Variants in PCF11 observed in about 807,000 individuals in gnomAD.
PCF11 encodes the protein PCF11 cleavage and polyadenylation factor subunit.
In PCF11, 19 loss-of-function variants were observed where a neutral mutation model predicts 166.1. The observed-to-expected ratio is 0.11, with a 90% CI of 0.08 to 0.17. PCF11 has a LOEUF of 0.17. Ranked by LOEUF, PCF11 falls within the 10% of genes least tolerant of loss-of-function variation. The pLI is 1.00. For synonymous variants in PCF11, 663 were observed against 644.1 expected (o/e 1.03, Z -0.44); for missense variants, 1,565 against 1,855.5 (o/e 0.84, Z 2.88).
intron 15 of PCF11, 51 bp downstream of exon 15, chr11:83,183,124 T>C: frequency 9.2e-7 from 1 of 1,091,058 alleles, no homozygotes; most frequent in Non-Finnish European, 1.3e-6. Context: ...TAATAAATTT[T>C]ACTTTTCAGT....
exon 1 of PCF11, chr11:83,157,585 C>T (rs776291256): frequency 1.4e-5 from 22 of 1,613,906 alleles, no homozygotes; most frequent in Admixed American, 1.7e-5. Flanking sequence ...GAGAACCTGC[C>T]CTTCGCCAAG....
chr11:83,177,709 TGAA>T lies in PCF11; in HGVS notation c.3878_3880del. On this transcript the variant is annotated splice_acceptor_variant and splice_polypyrimidine_tract_variant and intron_variant, in intron 10 of 15. Transcript: ENST00000298281. LOFTEE classifies it high-confidence loss of function. ...AGAAATTTGTATGTCTCTTCTTAATTGAAGAAGTAAGTGAAGTAACTGCTCAGC... is the reference window on the plus strand; with the variant it reads ...AGAAATTTGTATGTCTCTTCTTAATTGAAGTAAGTGAAGTAACTGCTCAGC... 6.8e-7 allele frequency: 1 copy of T among 1,463,688 alleles called. No homozygotes were observed. Among genetic ancestry groups the T allele is most frequent in the African/African-American group, 1.4e-5 (1 of 71,234 alleles). 90.7% of individuals were successfully genotyped at this position (1,463,688 alleles called of 1,614,324 possible). A position where few individuals can be genotyped will look rare whatever the true frequency, so the allele number is the denominator to read the frequency against.
At chr11:83,177,627 T>G in intron 10 of PCF11, 87 bp from the exon 11 acceptor site, 1 of 566,484 alleles carries the variant, frequency 1.8e-6, no homozygotes, top group East Asian at 3.2e-5. Flanking sequence ...TGGATTTCTC[T>G]ATTTGCTTAT....
Position 83,160,366 on chromosome 11 carries a change from C to G in PCF11, c.193-961C>G, listed in dbSNP as rs576044114. On this transcript the variant is annotated intron_variant, in intron 1 of 15. Coordinates refer to ENST00000298281, the Ensembl canonical transcript of PCF11. ...TTTGTCTTTTTTTTTTATTTTAAAT[C>G]ATGGGTGCTCCTTTGGAGTCAGAGT... Among the ~76,000 whole-genome samples the G allele has an allele frequency of 1.1e-4, 11 of 99,180 alleles. No individual in the cohort carries two copies. In the East Asian group the frequency reaches 3.3e-3, roughly 30 times the overall value. The allele number at this position is 99,180 out of a possible 152,430, so 65.1% of individuals were successfully genotyped here.
At chr11:83,181,518 ATT>A (rs57414935) in intron 12 of PCF11, among the ~76,000 whole-genome samples, 35 of 143,850 alleles carry the variant, frequency 2.4e-4, no homozygotes, top group African/African-American at 8.6e-4. Flanking sequence ...TTTGAAGGGA[ATT>A]TTTTTTTTTT....
chr11:83,167,208 C>T lies in PCF11; in HGVS notation c.1901C>T (p.Pro634Leu). Reference sequence around the variant, plus strand: ...TCAAGCACTAAAGGAATTTTATCACCTCGAGCCCCAAAGCAGCAACAGCAT... The same window carrying T: ...TCAAGCACTAAAGGAATTTTATCACTTCGAGCCCCAAAGCAGCAACAGCAT... Residue 634 changes from proline to leucine, a missense_variant, in exon 6 of 16, where the codon CCT becomes CTT. Physicochemically the swap from Pro to Leu is moderately conservative, Grantham distance 98. Around this residue, in one of 12 missense-constraint regions of PCF11, gnomAD observed 468 missense variants for 483.4 expected, o/e 0.97. Coordinates refer to ENST00000298281, the Ensembl canonical transcript of PCF11. This position sits in a 1 kb window ranked among gnomAD's most constrained non-coding sequence, Gnocchi z 4.2. The T allele has an allele frequency of 6.2e-7, 1 of 1,613,658 alleles. No homozygotes were observed. Among genetic ancestry groups the T allele is most frequent in the South Asian group, 1.1e-5 (1 of 91,072 alleles).
intron 8 of PCF11, among the ~76,000 whole-genome samples, chr11:83,170,571 C>T (rs182156234): frequency 1.3e-4 from 20 of 152,270 alleles, no homozygotes; most frequent in African/African-American, 1.7e-4. Flanking sequence ...ACTCTGGTTA[C>T]GAAACATGCA....
At chr11:83,169,482 G>A (rs891661050) in exon 8 of PCF11, 11 of 1,613,696 alleles carry the variant, frequency 6.8e-6, no homozygotes, top group Admixed American at 3.3e-5. Flanking sequence ...CGTCACTCTT[G>A]CCAAGATTTG....
chr11:83,179,755 A>G (rs558902710), intron 11 of PCF11, among the ~76,000 whole-genome samples: 61 of 151,912 alleles, frequency 4.0e-4, no homozygotes, highest in Admixed American at 9.2e-4. Context: ...TGTCTCTACT[A>G]GAAATACTAA....
At chr11:83,164,832 T>G (rs867732548) in intron 4 of PCF11, among the ~76,000 whole-genome samples, 3 of 152,196 alleles carry the variant, frequency 2.0e-5, no homozygotes, top group African/African-American at 7.2e-5. Flanking sequence ...CACTGCACTC[T>G]AGCTTGAGTG....
chr11:83,167,329 C>T lies in PCF11; in HGVS notation c.2001+21C>T, dbSNP rs1157277231. 1.3e-6 allele frequency: 2 copies of T among 1,578,998 alleles called. No individual in the cohort carries two copies. The highest frequency in any genetic ancestry group is 1.4e-5 in the African/African-American group (1 of 73,630). On this transcript the variant is annotated intron_variant, in intron 6 of 15. Coordinates refer to ENST00000298281, the Ensembl canonical transcript of PCF11. The surrounding 1 kb of genome is among the most constrained non-coding windows in gnomAD (Gnocchi z 4.2). Reference sequence around the variant, plus strand: ...AAAAGGTAGTTACTATGATTAATCCCATGTAGTCATCATTATCTATCGTCT... The same window carrying T: ...AAAAGGTAGTTACTATGATTAATCCTATGTAGTCATCATTATCTATCGTCT...
At chr11:83,159,579 C>G (rs866832722) in intron 1 of PCF11, among the ~76,000 whole-genome samples, 1 of 152,064 alleles carries the variant, frequency 6.6e-6, no homozygotes, top group Non-Finnish European at 1.5e-5. Context: ...GAGCTCTTTG[C>G]TGGTAAAAGA....
In PCF11 at chr11:83,167,446, C is replaced by A. The variant is rs770564914; in HGVS notation, c.2033C>A (p.Thr678Lys). ...GAACGTTTAGCATCTGGTGAAATTA[C>A]ACAGGATGACTTCCTTGTTGTTGTG... The change falls in exon 7 of 16, where the codon ACA becomes AAA. Residue 678 changes from threonine to lysine, a missense_variant. Physicochemically the swap from Thr to Lys is moderately conservative, Grantham distance 78. Transcript: ENST00000298281. The surrounding 1 kb of genome is among the most constrained non-coding windows in gnomAD (Gnocchi z 4.2). The A allele has an allele frequency of 6.2e-7, 1 of 1,605,906 alleles. No individual in the cohort carries two copies. The highest frequency in any genetic ancestry group is 8.5e-7 in the Non-Finnish European group (1 of 1,177,064).
intron 7 of PCF11, 116 bp from the exon 8 acceptor site, chr11:83,168,312 G>C: frequency 1.0e-6 from 1 of 971,024 alleles, no homozygotes; most frequent in Non-Finnish European, 1.5e-6. Context: ...TTACGCTGTC[G>C]GTCTCTCCTG....
intron 1 of PCF11, among the ~76,000 whole-genome samples, 163 bp from the exon 2 acceptor site, chr11:83,161,164 G>A (rs1341388383): frequency 3.3e-5 from 5 of 152,200 alleles, no homozygotes; most frequent in Admixed American, 3.3e-4. Context: ...AGGATTGTGA[G>A]AGTTGAGAGC....
chr11:83,160,321 G>GTTTTTTTTTTTTT (rs35201107), intron 1 of PCF11, among the ~76,000 whole-genome samples: 5 of 91,260 alleles, frequency 5.5e-5, no homozygotes, highest in East Asian at 3.6e-4. Context: ...GATAACCTAA[G>GTTTTTTTTTTTTT]TTTTTTTTTT....
chr11:83,163,908 A>G, intron 3 of PCF11, 41 bp downstream of exon 3: 3 of 923,432 alleles, frequency 3.2e-6, no homozygotes, highest in Non-Finnish European at 4.7e-6. Flanking sequence ...ACTTTTAAGT[A>G]TCACATTTTG....
intron 11 of PCF11, among the ~76,000 whole-genome samples, chr11:83,178,503 A>T (rs953186265): frequency 6.6e-6 from 1 of 151,268 alleles, no homozygotes; most frequent in African/African-American, 2.4e-5. Context: ...ATTTACAATT[A>T]AAAAAAAATC....
chr11:83,170,153 T>C (rs928300871), intron 8 of PCF11, among the ~76,000 whole-genome samples, 158 bp downstream of exon 8: 9 of 152,228 alleles, frequency 5.9e-5, no homozygotes, highest in African/African-American at 2.2e-4. Flanking sequence ...TGAGCATCTT[T>C]TGGGGATGAA....
Sources: gnomAD v4.1 joint callset for allele counts (sites outside exome capture counted in the v4.1 genomes callset) on GRCh38, gnomAD v4.1.1 for gene constraint, gnomAD v4.1.1 regional missense constraint, Gnocchi (gnomAD v3.1) non-coding constraint, MANE v1.5 for transcripts, NCBI Gene and HGNC (gene_info 2026-07-23, HGNC 2026-07-21) for gene names.